Variants in MEGF11 observed in about 807,000 individuals in gnomAD.
MEGF11 encodes multiple epidermal growth factor-like domains protein 11.
A neutral mutation model predicts 146.6 loss-of-function variants in MEGF11; 126 were observed. That is an observed-to-expected ratio of 0.86 (90% CI 0.74 to 1.00). The LOEUF is 1.00. Ranked by LOEUF, MEGF11 falls within the 50% of genes least tolerant of loss-of-function variation. The pLI is 0.00. For missense variants in MEGF11, 1,509 were observed against 1,521.2 expected (o/e 0.99, Z 0.13); for synonymous variants, 532 against 583.4 (o/e 0.91, Z 1.27).
intron 5 of MEGF11, among the ~76,000 whole-genome samples, chr15:66,029,588 C>T (rs1175667178): frequency 3.9e-5 from 6 of 152,194 alleles, no homozygotes; most frequent in Admixed American, 1.3e-4. Flanking sequence ...GACTGATGAA[C>T]GGTGGTGTGA....
intron 1 of MEGF11, among the ~76,000 whole-genome samples, chr15:66,239,982 C>T (rs2092176903): frequency 6.6e-6 from 1 of 152,242 alleles, no homozygotes; most frequent in South Asian, 2.1e-4. Context: ...AGCCATCCCT[C>T]ATGACTAAGC....
At chr15:66,067,531 C>A in intron 5 of MEGF11, among the ~76,000 whole-genome samples, 1 of 152,228 alleles carries the variant, frequency 6.6e-6, no homozygotes, top group East Asian at 1.9e-4. Flanking sequence ...TGCAGCCCCA[C>A]GTTCTTTCCC....
Position 65,906,072 on chromosome 15 carries a change from T to C in MEGF11, c.3055+13A>G, listed in dbSNP as rs747562029. The C allele has an allele frequency of 6.2e-7, 1 of 1,604,520 alleles. No homozygotes were observed. On this transcript the variant is annotated intron_variant, in intron 24 of 25. Transcript: ENST00000395614. ...AGCCCTCTGTAATAAGACAGCAGGATTGGATACTCTACCTTTGAAGCCTTT... is the reference window on the plus strand; with the variant it reads ...AGCCCTCTGTAATAAGACAGCAGGACTGGATACTCTACCTTTGAAGCCTTT...
intron 3 of MEGF11, among the ~76,000 whole-genome samples, chr15:66,122,952 T>C (rs1052925924): frequency 6.6e-6 from 1 of 151,898 alleles, no homozygotes; most frequent in African/African-American, 2.4e-5. Context: ...CCCGGCTAAT[T>C]TTTTGTATTT....
chr15:66,182,502 C>T (rs943444390), intron 1 of MEGF11, among the ~76,000 whole-genome samples: 1 of 152,266 alleles, frequency 6.6e-6, no homozygotes, highest in African/African-American at 2.4e-5. Flanking sequence ...TTTGCAGAAT[C>T]GGGATTTTAA....
rs761583862 is a variant in MEGF11 at position 65,922,932 on chromosome 15, C to A, written c.1713G>T (p.Trp571Cys). 5.0e-6 allele frequency: 8 copies of A among 1,613,166 alleles called. No homozygotes were observed. The highest frequency in any genetic ancestry group is 6.8e-6 in the Non-Finnish European group (8 of 1,179,702). ...RCDSTCPPGR[W>C]GPNCSVSCSC... is the part of the protein sequence containing the mutation. ...TGCAGGAGACAGAGCAGTTGGGGCCCCAGCGGCCAGGTGGACACGTGCTGT... is the reference window on the plus strand; with the variant it reads ...TGCAGGAGACAGAGCAGTTGGGGCCACAGCGGCCAGGTGGACACGTGCTGT... The change falls in exon 14 of 26, where the codon TGG (tryptophan) becomes TGT (cysteine). Residue 571 changes from tryptophan to cysteine, a missense_variant. Trp to Cys is a radical substitution (Grantham distance 215). Transcript: ENST00000395614.
intron 5 of MEGF11, among the ~76,000 whole-genome samples, chr15:66,022,847 CA>C (rs10579872): frequency 0.24 from 30,959 of 127,728 alleles, 3,957 homozygotes; most frequent in East Asian, 0.53. Context: ...GACCCTGTCT[CA>C]AAAAAAAAAA....
intron 1 of MEGF11, among the ~76,000 whole-genome samples, chr15:66,227,887 C>T (rs2091886595): frequency 6.6e-6 from 1 of 152,242 alleles, no homozygotes; most frequent in African/African-American, 2.4e-5. Flanking sequence ...CCCAGCCAGC[C>T]TCTGGGTGCT....
chr15:66,132,304 A>T (rs1474054289), intron 1 of MEGF11, among the ~76,000 whole-genome samples: 1 of 152,260 alleles, frequency 6.6e-6, no homozygotes, highest in Non-Finnish European at 1.5e-5. Flanking sequence ...GGCAGAAGGC[A>T]GACAGACAGA....
At chr15:66,028,646 T>G (rs190869087) in intron 5 of MEGF11, among the ~76,000 whole-genome samples, 3 of 152,220 alleles carry the variant, frequency 2.0e-5, no homozygotes, top group Non-Finnish European at 4.4e-5. Flanking sequence ...ACAACCTAAA[T>G]GGTCAAACAA....
At chr15:66,000,847 G>A (rs891357497) in intron 5 of MEGF11, among the ~76,000 whole-genome samples, 4 of 151,992 alleles carry the variant, frequency 2.6e-5, no homozygotes, top group African/African-American at 9.7e-5. Context: ...AGAGGTGAAG[G>A]CACTTGAGGT....
intron 5 of MEGF11, among the ~76,000 whole-genome samples, chr15:66,066,828 G>A (rs1597047794): frequency 2.0e-5 from 3 of 152,214 alleles, no homozygotes; most frequent in African/African-American, 7.2e-5. Context: ...CCATTTTGCT[G>A]CAGGGAGGGT....
In MEGF11 at chr15:65,964,942, G is replaced by T; in HGVS notation, c.1078C>A (p.Leu360Met). Residue 360 changes from leucine (L) to methionine (M), a missense_variant, in exon 9 of 26, where the codon CTG becomes ATG. Coordinates refer to ENST00000395614, the MANE Select transcript of MEGF11 (RefSeq NM_001385028.1). ...TTGTCAGCGTCACAGGGGCAGGGCAGGGTGCAGCCTGGGCCATGCAGGCCC... is the reference window on the plus strand; with the variant it reads ...TTGTCAGCGTCACAGGGGCAGGGCATGGTGCAGCCTGGGCCATGCAGGCCC... ...PEGLHGPGCT[L>M]PCPCDADNTI... The T allele has an allele frequency of 6.4e-7, 1 of 1,574,440 alleles. No homozygotes were observed. The highest frequency in any genetic ancestry group is 2.3e-5 in the East Asian group (1 of 42,770).
intron 13 of MEGF11, among the ~76,000 whole-genome samples, chr15:65,924,369 TGGGTGGGGGGG>T (rs2141268513): frequency 4.6e-4 from 1 of 2,152 alleles, no homozygotes; most frequent in East Asian, 0.013. Context: ...AGGTGGGGTG[TGGGTGGGGGGG>T]GGGGCAAGTG....
intron 10 of MEGF11, among the ~76,000 whole-genome samples, chr15:65,935,074 G>A (rs796371): frequency 1.3e-5 from 2 of 151,956 alleles, no homozygotes; most frequent in African/African-American, 2.4e-5. Context: ...TAATCCCAGC[G>A]CTTTGGGAGG....
intron 5 of MEGF11, among the ~76,000 whole-genome samples, chr15:66,001,147 A>C (rs1040363005): frequency 6.6e-6 from 1 of 152,150 alleles, no homozygotes; most frequent in African/African-American, 2.4e-5. Flanking sequence ...AGCCGCCAGC[A>C]GTGTGTGCCA....
At chr15:66,032,287 T>C (rs2083553230) in intron 5 of MEGF11, among the ~76,000 whole-genome samples, 1 of 152,232 alleles carries the variant, frequency 6.6e-6, no homozygotes, top group African/African-American at 2.4e-5. Flanking sequence ...TATTCAGTTA[T>C]AGCAATAGAA....
At chr15:66,011,003 T>C (rs2082693904) in intron 5 of MEGF11, among the ~76,000 whole-genome samples, 1 of 152,160 alleles carries the variant, frequency 6.6e-6, no homozygotes, top group Non-Finnish European at 1.5e-5. Context: ...ACTCTCTATG[T>C]GGCAGCCACA....
At chr15:66,009,115 A>C (rs992062073) in intron 5 of MEGF11, among the ~76,000 whole-genome samples, 8 of 152,188 alleles carry the variant, frequency 5.3e-5, no homozygotes, top group Admixed American at 6.5e-5. Flanking sequence ...AATTACTTGC[A>C]TGTACAAGAT....
Sources: allele counts gnomAD v4.1 joint callset (sites outside exome capture counted in the v4.1 genomes callset), GRCh38; gene constraint gnomAD v4.1.1; transcripts MANE v1.5; gene names NCBI Gene and HGNC (gene_info 2026-07-23, HGNC 2026-07-21).